Variants in EXOC4 observed in about 807,000 individuals in gnomAD.
EXOC4 encodes SEC8-like 1.
EXOC4 carries 71 observed loss-of-function variants against 107.2 expected under a neutral mutation model. That is an observed-to-expected ratio of 0.66 (90% confidence interval 0.55 to 0.81). The LOEUF (loss-of-function observed/expected upper bound fraction) is 0.81, where lower values mean the gene tolerates loss of function less well. Ranked by LOEUF, EXOC4 falls within the 30% of genes least tolerant of loss-of-function variation. EXOC4 has a pLI of 0.00. For synonymous variants in EXOC4, 456 were observed against 441.2 expected (o/e 1.03, Z -0.42); for missense variants, 1,108 against 1,189.6 (o/e 0.93, Z 1.01).
chr7:133,909,833 A>G (rs1356104284), intron 12 of EXOC4, among the ~76,000 whole-genome samples: 1 of 151,972 alleles, frequency 6.6e-6, no homozygotes, highest in Non-Finnish European at 1.5e-5. Flanking sequence ...AGATCTACTT[A>G]TAAAGATCTT....
At chr7:133,944,656 G>T (rs564381381) in intron 14 of EXOC4, among the ~76,000 whole-genome samples, 3 of 152,248 alleles carry the variant, frequency 2.0e-5, no homozygotes, top group Admixed American at 2.0e-4. Context: ...CATGATAGAA[G>T]CATCTTATTA....
At chr7:133,671,627 A>G (rs2151058113) in intron 10 of EXOC4, among the ~76,000 whole-genome samples, 1 of 152,264 alleles carries the variant, frequency 6.6e-6, no homozygotes, top group South Asian at 2.1e-4. Flanking sequence ...AATGTGCTGT[A>G]GGGGAGTAAT....
chr7:133,804,227 G>A (rs1486766191), intron 10 of EXOC4, among the ~76,000 whole-genome samples: 1 of 151,694 alleles, frequency 6.6e-6, no homozygotes, highest in Non-Finnish European at 1.5e-5. Flanking sequence ...GATACCAACA[G>A]TGATATGAGA....
At chr7:133,292,248 G>T (rs570207651) in intron 3 of EXOC4, among the ~76,000 whole-genome samples, 1 of 152,290 alleles carries the variant, frequency 6.6e-6, no homozygotes, top group African/African-American at 2.4e-5. Flanking sequence ...AGAGGCTGAG[G>T]CTGGAGAATC....
intron 11 of EXOC4, among the ~76,000 whole-genome samples, chr7:133,823,871 ATTATATATATATATATATATAT>A (rs1797611924): frequency 7.0e-5 from 1 of 14,320 alleles, no homozygotes; most frequent in Non-Finnish European, 1.0e-4. Context: ...ATATATATAT[ATTATATATATATATATATATAT>A]TTTATATATA....
rs1181544306 is a variant in EXOC4, at chr7:133,875,322, C to T, written c.1735-20277C>T. On this transcript the variant is annotated intron_variant, in intron 11 of 17. Transcript: ENST00000253861. ...ATGCTATGGTGTTGTTTTTAGCAGG[C>T]GTGGAAACCTATGCTAAAATAATTT... Among the ~76,000 whole-genome samples, 3 of 152,064 alleles carry T rather than the reference C, an allele frequency of 2.0e-5. No individual in the cohort carries two copies. In the South Asian group the frequency reaches 6.2e-4, roughly 32 times the overall value.
chr7:133,723,462 G>A (rs988692632), intron 10 of EXOC4, among the ~76,000 whole-genome samples: 1 of 148,222 alleles, frequency 6.7e-6, no homozygotes, highest in Non-Finnish European at 1.5e-5. Context: ...TGTACTTGAT[G>A]GGAGAACATC....
intron 6 of EXOC4, among the ~76,000 whole-genome samples, chr7:133,366,982 C>G (rs1176301575): frequency 6.6e-6 from 1 of 151,958 alleles, no homozygotes; most frequent in African/African-American, 2.4e-5. Flanking sequence ...AAAGAGGTAG[C>G]AGTAAAGAGA....
the EXOC4 span, among the ~76,000 whole-genome samples, chr7:134,097,679 C>G: frequency 6.6e-6 from 1 of 152,168 alleles, no homozygotes; most frequent in Admixed American, 6.5e-5. Flanking sequence ...AATCTACCCC[C>G]ACAACTTGAT....
At chr7:133,768,881 A>T (rs1796190101) in intron 10 of EXOC4, among the ~76,000 whole-genome samples, 4 of 152,042 alleles carry the variant, frequency 2.6e-5, no homozygotes, top group Non-Finnish European at 4.4e-5. Flanking sequence ...TATGGAAGAA[A>T]TCTAAAGAAC....
At chr7:133,464,696 A>G (rs1267244255) in intron 7 of EXOC4, among the ~76,000 whole-genome samples, 1 of 151,992 alleles carries the variant, frequency 6.6e-6, no homozygotes, top group Non-Finnish European at 1.5e-5. Context: ...TCAGTATATT[A>G]TGATGAAACA....
intron 7 of EXOC4, among the ~76,000 whole-genome samples, chr7:133,409,786 C>G (rs1214255383): frequency 6.6e-6 from 1 of 152,132 alleles, no homozygotes; most frequent in African/African-American, 2.4e-5. Context: ...AAATACTCTC[C>G]TCTTCATAGC....
chr7:133,770,094 A>G (rs1240393944), intron 10 of EXOC4, among the ~76,000 whole-genome samples: 10 of 149,420 alleles, frequency 6.7e-5, no homozygotes, highest in Admixed American at 6.0e-4. Flanking sequence ...GATCCCCCAT[A>G]GCTATTTCAG....
chr7:133,346,022 A>G (rs1459529794), intron 5 of EXOC4, among the ~76,000 whole-genome samples: 1 of 152,226 alleles, frequency 6.6e-6, no homozygotes, highest in Non-Finnish European at 1.5e-5. Context: ...AGTGCCTCAG[A>G]TATTGCTCTC....
chr7:133,716,294 G>T (rs1181685452), intron 10 of EXOC4, among the ~76,000 whole-genome samples: 1 of 152,220 alleles, frequency 6.6e-6, no homozygotes, highest in Non-Finnish European at 1.5e-5. Context: ...CTTTCACTGT[G>T]TTGGAGAAAA....
intron 9 of EXOC4, among the ~76,000 whole-genome samples, chr7:133,608,355 C>A (rs1385039448): frequency 6.6e-6 from 1 of 151,696 alleles, no homozygotes; most frequent in African/African-American, 2.4e-5. Context: ...CAGAATAGAT[C>A]TATATTTGTT....
At position 133,853,323 on chromosome 7, in the gene EXOC4, GTCTCTC is replaced by G. The variant is rs113296842; in HGVS notation, c.1734+35793_1734+35798del. 9.8e-5 allele frequency among the ~76,000 whole-genome samples: 10 copies of G among 102,100 alleles called. No homozygotes were observed. The South Asian group carries it at 1.9e-3, about 20-fold the overall frequency. The allele number at this position is 102,100 out of a possible 152,430, so 67.0% of individuals were successfully genotyped here. A position where few individuals can be genotyped will look rare whatever the true frequency, so the allele number is the denominator to read the frequency against. ...TCTCTTTCTCTCTCCCTCTCTTTCT[GTCTCTC>G]TCTCTCTCTCTCTTTAACACACACA... On this transcript the variant is annotated intron_variant, in intron 11 of 17. Coordinates refer to ENST00000253861, the MANE Select transcript of EXOC4 (RefSeq NM_021807.4).
intron 9 of EXOC4, among the ~76,000 whole-genome samples, chr7:133,512,394 A>C (rs1217149635): frequency 1.3e-5 from 2 of 151,796 alleles, no homozygotes; most frequent in African/African-American, 4.8e-5. Flanking sequence ...GCGCCACTGC[A>C]CTCCAGCCTG....
At chr7:133,825,206 G>A (rs922446487) in intron 11 of EXOC4, among the ~76,000 whole-genome samples, 1 of 150,842 alleles carries the variant, frequency 6.6e-6, no homozygotes, top group Non-Finnish European at 1.5e-5. Context: ...AAGAAAGAAA[G>A]AAAAAAAGCC....
Sources: gnomAD v4.1 joint callset for allele counts (sites outside exome capture counted in the v4.1 genomes callset) on GRCh38, gnomAD v4.1.1 for gene constraint, MANE v1.5 for transcripts, NCBI Gene and HGNC (gene_info 2026-07-23, HGNC 2026-07-21) for gene names.